LHFPL2: variants seen among roughly 807,000 people sequenced by gnomAD.
LHFPL2 encodes the protein LHFPL tetraspan subfamily member 2, also known as LHFPL tetraspan subfamily member 2 protein.
LHFPL2 carries 7 observed loss-of-function variants against 17.5 expected under a neutral mutation model. The ratio of observed to expected loss-of-function variants is 0.40; its 90% confidence interval spans 0.23 to 0.75. The LOEUF (loss-of-function observed/expected upper bound fraction) is 0.75. Ranked by LOEUF, LHFPL2 falls within the 30% of genes least tolerant of loss-of-function variation. The pLI is 0.37. For missense variants in LHFPL2, 241 were observed against 294.8 expected, an observed-to-expected ratio of 0.82 and a Z score of 1.34; for synonymous variants, 134 against 116.2, an observed-to-expected ratio of 1.15 and a Z score of -0.99.
At chr5:78,520,657 G>A (rs1055400568) in intron 3 of LHFPL2, among the ~76,000 whole-genome samples, 5 of 151,688 alleles carry the variant, frequency 3.3e-5, no homozygotes, top group African/African-American at 1.2e-4. Context: ...GCACACCCGT[G>A]GGCACTACAC....
At chr5:78,491,857 G>A (rs543114573) in intron 4 of LHFPL2, among the ~76,000 whole-genome samples, 1 of 152,182 alleles carries the variant, frequency 6.6e-6, no homozygotes, top group Non-Finnish European at 1.5e-5. Flanking sequence ...CATTGTTAAG[G>A]GCATATTTTG....
chr5:78,638,483 G>C (rs548976587), intron 1 of LHFPL2, among the ~76,000 whole-genome samples: 6 of 152,216 alleles, frequency 3.9e-5, no homozygotes, highest in Non-Finnish European at 7.3e-5. Context: ...TATAGACCTC[G>C]TGATCGTAAA....
At chr5:78,615,480 C>A (rs1339297660) in intron 2 of LHFPL2, among the ~76,000 whole-genome samples, 4 of 152,120 alleles carry the variant, frequency 2.6e-5, no homozygotes, top group African/African-American at 9.7e-5. Context: ...CATCAAGGCT[C>A]AATAGCTAAC....
intron 4 of LHFPL2, among the ~76,000 whole-genome samples, chr5:78,504,138 T>G (rs1488195965): frequency 1.3e-5 from 2 of 152,202 alleles, no homozygotes; most frequent in Admixed American, 1.3e-4. Flanking sequence ...TGGTGGAGCA[T>G]CATCTGTCTG....
At chr5:78,633,131 G>C (rs767100802) in intron 1 of LHFPL2, among the ~76,000 whole-genome samples, 2 of 152,220 alleles carry the variant, frequency 1.3e-5, no homozygotes, top group Admixed American at 6.5e-5. Context: ...AGCAACACCA[G>C]AGAGGAGAAT....
chr5:78,575,623 C>T (rs911745237), intron 2 of LHFPL2, among the ~76,000 whole-genome samples: 1 of 152,102 alleles, frequency 6.6e-6, no homozygotes, highest in Admixed American at 6.5e-5. Flanking sequence ...TAACTAAAAA[C>T]ATAGGTTTTA....
At chr5:78,495,890 T>C (rs900634381) in intron 4 of LHFPL2, among the ~76,000 whole-genome samples, 3 of 152,138 alleles carry the variant, frequency 2.0e-5, no homozygotes, top group African/African-American at 4.8e-5. Flanking sequence ...CAGAGGCTGG[T>C]GATAGTCAAC....
At chr5:78,599,453 T>C (rs1743936186) in intron 2 of LHFPL2, among the ~76,000 whole-genome samples, 1 of 149,226 alleles carries the variant, frequency 6.7e-6, no homozygotes, top group Admixed American at 6.7e-5. Context: ...GTGTCCGCCA[T>C]CATGCCCGGC....
At chr5:78,519,930 AAC>A (rs1028839252) in intron 3 of LHFPL2, among the ~76,000 whole-genome samples, 3 of 152,252 alleles carry the variant, frequency 2.0e-5, no homozygotes, top group African/African-American at 7.2e-5. Context: ...GAAAGGATGT[AAC>A]ACAGAGCTGG....
intron 3 of LHFPL2, among the ~76,000 whole-genome samples, chr5:78,563,700 C>CA (rs1198192351): frequency 0.15 from 14,118 of 93,112 alleles, 2,475 homozygotes; most frequent in African/African-American, 0.43. Flanking sequence ...GACTCCACTT[C>CA]AAAAAAAAAA....
chr5:78,636,220 A>T (rs1370458920), intron 1 of LHFPL2, among the ~76,000 whole-genome samples: 3 of 152,214 alleles, frequency 2.0e-5, no homozygotes, highest in Non-Finnish European at 4.4e-5. Context: ...GATCCTGAGA[A>T]GCATTCTATT....
chr5:78,591,499 GA>G (rs1328149697), intron 2 of LHFPL2, among the ~76,000 whole-genome samples: 2 of 152,172 alleles, frequency 1.3e-5, no homozygotes, highest in African/African-American at 4.8e-5. Flanking sequence ...GCTTTTCAAT[GA>G]AATCATCTGG....
At chr5:78,645,618 T>C (rs115067943) in intron 1 of LHFPL2, among the ~76,000 whole-genome samples, 2,354 of 151,252 alleles carry the variant, frequency 0.016, 62 homozygotes, top group African/African-American at 0.054. Flanking sequence ...CGTCTTGCTC[T>C]GTCACCCAGA....
chr5:78,570,650 GTA>G lies in LHFPL2; in HGVS notation c.-244-5781_-244-5780del, dbSNP rs368470431. ...ATATATATAGTATATATATATATAC[GTA>G]TATATATATATACGTATGATCATTT... is the stretch of plus-strand genomic sequence containing the variant. On this transcript the variant is annotated intron_variant, in intron 2 of 4. Transcript: ENST00000380345. Among the ~76,000 whole-genome samples the G allele has an allele frequency of 7.0e-5, 10 of 143,648 alleles. No individual in the cohort carries two copies. In the East Asian group the frequency reaches 1.4e-3, roughly 20 times the overall value. 94.2% of individuals were successfully genotyped at this position (143,648 alleles called of 152,430 possible).
At chr5:78,569,947 A>C (rs1372491919) in intron 2 of LHFPL2, among the ~76,000 whole-genome samples, 1 of 152,234 alleles carries the variant, frequency 6.6e-6, no homozygotes, top group Non-Finnish European at 1.5e-5. Flanking sequence ...ATAACGTGCC[A>C]GCCACAAGTC....
At chr5:78,640,842 C>T (rs977230807) in intron 1 of LHFPL2, among the ~76,000 whole-genome samples, 3 of 152,162 alleles carry the variant, frequency 2.0e-5, no homozygotes, top group African/African-American at 7.2e-5. Context: ...AGAGGAGTAA[C>T]GGTTGTGCCT....
intron 4 of LHFPL2, among the ~76,000 whole-genome samples, chr5:78,492,255 T>C (rs928962733): frequency 6.6e-6 from 1 of 152,236 alleles, no homozygotes; most frequent in Non-Finnish European, 1.5e-5. Context: ...TGCTCTTCCC[T>C]TTAAAAGACC....
chr5:78,507,127 T>C (rs1161287837), intron 4 of LHFPL2, among the ~76,000 whole-genome samples: 4 of 152,156 alleles, frequency 2.6e-5, no homozygotes, highest in Admixed American at 1.3e-4. Flanking sequence ...GTCAGGAGTT[T>C]GAGACCAGCC....
At chr5:78,561,954 C>A (rs1328004303) in intron 3 of LHFPL2, among the ~76,000 whole-genome samples, 2 of 152,172 alleles carry the variant, frequency 1.3e-5, no homozygotes, top group African/African-American at 4.8e-5. Context: ...TCTCACAATT[C>A]TCATGGAATA....
Sources: gnomAD v4.1 joint callset for allele counts (sites outside exome capture counted in the v4.1 genomes callset) on GRCh38, gnomAD v4.1.1 for gene constraint, MANE v1.5 for transcripts, NCBI Gene and HGNC (gene_info 2026-07-23, HGNC 2026-07-21) for gene names.